Variants in MAP3K20 observed in about 807,000 individuals in gnomAD.
MAP3K20 encodes mitogen-activated protein kinase kinase kinase 20.
In MAP3K20, 40 loss-of-function variants were observed where a neutral mutation model predicts 85.7. That is an observed-to-expected ratio of 0.47 (90% CI 0.36 to 0.61). The LOEUF is 0.61. Ranked by LOEUF, MAP3K20 falls within the 20% of genes least tolerant of loss-of-function variation. The pLI, the probability that MAP3K20 is intolerant of heterozygous loss-of-function variation, is 0.00. For synonymous variants in MAP3K20, 325 were observed against 327.7 expected, an observed-to-expected ratio of 0.99 and a Z score of 0.09; for missense variants, 817 against 961.7, an observed-to-expected ratio of 0.85 and a Z score of 1.99.
intron 7 of MAP3K20, chr2:173,192,850 C>T (rs1028262068): frequency 1.2e-4 from 18 of 152,260 alleles, no homozygotes; most frequent in South Asian, 8.3e-4. Context: ...TTGGGAACGG[C>T]CTCTCGTTTT....
At chr2:173,231,845 ACAATTC>A (rs1220051964) in intron 12 of MAP3K20, among the ~76,000 whole-genome samples, 1 of 152,250 alleles carries the variant, frequency 6.6e-6, no homozygotes, top group Non-Finnish European at 1.5e-5. Context: ...TGGAACTCAT[ACAATTC>A]CTGAGTAAAC....
At chr2:173,226,168 C>G (rs1397498250) in intron 11 of MAP3K20, 1 of 720,914 alleles carries the variant, frequency 1.4e-6, no homozygotes, top group Non-Finnish European at 1.7e-6. Context: ...ACTTGATCCC[C>G]ATTAAAAATC....
chr2:173,092,827 A>G (rs1463686122), intron 2 of MAP3K20, among the ~76,000 whole-genome samples: 4 of 152,124 alleles, frequency 2.6e-5, no homozygotes, highest in East Asian at 1.9e-4. Context: ...CTTTTCTTCT[A>G]TTCTTGGGAG....
chr2:173,111,960 G>A (rs931824923), intron 2 of MAP3K20, among the ~76,000 whole-genome samples: 1 of 152,156 alleles, frequency 6.6e-6, no homozygotes, highest in African/African-American at 2.4e-5. Context: ...AATGATGGTT[G>A]TATTTTGATG....
chr2:173,235,603 T>C (rs1684630136), intron 14 of MAP3K20, among the ~76,000 whole-genome samples: 1 of 152,230 alleles, frequency 6.6e-6, no homozygotes, highest in South Asian at 2.1e-4. Context: ...GACTGCCTAA[T>C]GGGAGTAGAG....
intron 2 of MAP3K20, among the ~76,000 whole-genome samples, chr2:173,142,700 A>G (rs1298037407): frequency 6.6e-6 from 1 of 152,194 alleles, no homozygotes; most frequent in Non-Finnish European, 1.5e-5. Context: ...TAAGAAAAAA[A>G]TTGTTAAAAC....
At chr2:173,151,575 C>G (rs1347550162) in intron 2 of MAP3K20, among the ~76,000 whole-genome samples, 1 of 152,130 alleles carries the variant, frequency 6.6e-6, no homozygotes, top group East Asian at 1.9e-4. Flanking sequence ...AAGGCCTAGG[C>G]ATATGTCTAG....
chr2:173,254,623 C>T (rs1185912744), intron 16 of MAP3K20, among the ~76,000 whole-genome samples: 2 of 151,912 alleles, frequency 1.3e-5, no homozygotes, highest in African/African-American at 2.4e-5. Context: ...TAGCCTTTTC[C>T]GGGGTTGATC....
intron 8 of MAP3K20, 92 bp from the exon 9 acceptor site, chr2:173,203,698 TAAAATA>T (rs1195067990): frequency 2.1e-6 from 2 of 930,850 alleles, no homozygotes; most frequent in African/African-American, 3.3e-5. Flanking sequence ...CTTATGTTCT[TAAAATA>T]ACTCTATTAT....
intron 3 of MAP3K20, among the ~76,000 whole-genome samples, chr2:173,174,251 G>A (rs901911119): frequency 5.3e-5 from 8 of 151,990 alleles, no homozygotes; most frequent in Non-Finnish European, 7.4e-5. Flanking sequence ...TGTGCAGAAC[G>A]TGCAGGTTTG....
At chr2:173,075,773 G>A (rs919187197), upstream of MAP3K20, 12 of 985,398 alleles carry the variant, frequency 1.2e-5, no homozygotes, top group Non-Finnish European at 1.4e-5. Context: ...CCGCTCGCCC[G>A]CGCGTGTGAG....
chr2:173,246,198 C>A (rs754374223), intron 16 of MAP3K20, among the ~76,000 whole-genome samples: 2 of 152,294 alleles, frequency 1.3e-5, no homozygotes, highest in South Asian at 4.2e-4. Context: ...GAGGCTCCAA[C>A]CTAGTAAGGG....
At chr2:173,225,175 G>A in intron 11 of MAP3K20, 4 of 981,918 alleles carry the variant, frequency 4.1e-6, no homozygotes, top group Non-Finnish European at 4.8e-6. Flanking sequence ...TCACCGAATG[G>A]TGTTTGAGAG....
At chr2:173,254,433 C>CA (rs755879153) in intron 16 of MAP3K20, among the ~76,000 whole-genome samples, 10,326 of 65,400 alleles carry the variant, frequency 0.16, 1,357 homozygotes, top group African/African-American at 0.36. Flanking sequence ...GACTTCGTCT[C>CA]AAAAAAAAAA....
At chr2:173,220,458 T>C (rs1363692799) in intron 11 of MAP3K20, among the ~76,000 whole-genome samples, 3 of 148,274 alleles carry the variant, frequency 2.0e-5, no homozygotes, top group Admixed American at 2.0e-4. Flanking sequence ...TTCATGTGTT[T>C]ACATACTTAC....
At chr2:173,221,336 G>C (rs1256084424) in intron 11 of MAP3K20, 3 of 1,613,716 alleles carry the variant, frequency 1.9e-6, no homozygotes, top group Non-Finnish European at 1.7e-6. Context: ...AATGAACAAA[G>C]CAGGAGCTGT....
chr2:173,167,034 TC>T (rs1270853533), intron 2 of MAP3K20, among the ~76,000 whole-genome samples: 3 of 146,230 alleles, frequency 2.1e-5, no homozygotes, highest in Non-Finnish European at 3.0e-5. Context: ...TGCCTCAACC[TC>T]CCGAGTAGCT....
intron 2 of MAP3K20, among the ~76,000 whole-genome samples, chr2:173,113,751 G>GA (rs1688040289): frequency 6.6e-6 from 1 of 152,150 alleles, no homozygotes; most frequent in Non-Finnish European, 1.5e-5. Context: ...TGTGGTCTGA[G>GA]AGAGTGCTTG....
rs77131285 is a variant in MAP3K20, at chr2:173,135,487, A to G, written c.160-34318A>G. On this transcript the variant is annotated intron_variant, in intron 2 of 19. Transcript: ENST00000375213. ...GAGGAAGATGTGGCTTAACAGAAGG[A>G]CATTTTATATTTGGGGCTTATTATG... is the stretch of plus-strand genomic sequence containing the variant. Among the ~76,000 whole-genome samples, 445 of 152,346 alleles carry G rather than the reference A, an allele frequency of 2.9e-3. 8 individuals carry two copies. In the East Asian group the frequency reaches 0.04, roughly 14 times the overall value.
Sources: allele counts gnomAD v4.1 joint callset (sites outside exome capture counted in the v4.1 genomes callset), GRCh38; gene constraint gnomAD v4.1.1; transcripts MANE v1.5; gene names NCBI Gene and HGNC (gene_info 2026-07-23, HGNC 2026-07-21).